Variants in ZBTB20 observed in about 807,000 individuals in gnomAD.
ZBTB20 encodes zinc finger and BTB domain-containing protein 20.
ZBTB20 carries 9 observed loss-of-function variants against 56.9 expected under a neutral mutation model. That is an observed-to-expected ratio of 0.16 (90% CI 0.10 to 0.28). ZBTB20 has a LOEUF of 0.28. ZBTB20 is among the 10% of genes least tolerant of loss of function. The pLI, the probability that ZBTB20 is intolerant of heterozygous loss-of-function variation, is 1.00. For missense variants in ZBTB20, 655 were observed against 1,003.0 expected (o/e 0.65, Z 4.69); for synonymous variants, 417 against 420.7 (o/e 0.99, Z 0.11).
intron 4 of ZBTB20, among the ~76,000 whole-genome samples, chr3:114,860,814 T>A (rs996192939): frequency 2.0e-5 from 3 of 152,342 alleles, no homozygotes; most frequent in South Asian, 2.1e-4. Flanking sequence ...ATAGACATAG[T>A]CCTGTGCTAC....
intron 6 of ZBTB20, among the ~76,000 whole-genome samples, chr3:114,622,246 T>C (rs902946308): frequency 1.3e-5 from 2 of 151,522 alleles, no homozygotes; most frequent in African/African-American, 4.9e-5. Flanking sequence ...TTGGTGGTAA[T>C]GGCCTAAGAG....
At chr3:114,596,987 C>T (rs1184926752) in intron 6 of ZBTB20, among the ~76,000 whole-genome samples, 1 of 151,964 alleles carries the variant, frequency 6.6e-6, no homozygotes, top group Non-Finnish European at 1.5e-5. Context: ...TATTTCTGAG[C>T]AAAATACAGT....
At chr3:114,603,129 G>A (rs1560022155) in intron 6 of ZBTB20, among the ~76,000 whole-genome samples, 1 of 151,946 alleles carries the variant, frequency 6.6e-6, no homozygotes, top group East Asian at 1.9e-4. Flanking sequence ...CTAGCACATG[G>A]CCTTCTCACA....
At chr3:114,970,090 G>A (rs990787492) in intron 3 of ZBTB20, among the ~76,000 whole-genome samples, 1 of 152,140 alleles carries the variant, frequency 6.6e-6, no homozygotes, top group African/African-American at 2.4e-5. Context: ...GCTCTTGATA[G>A]GTCCTGGGCT....
intron 4 of ZBTB20, among the ~76,000 whole-genome samples, chr3:114,895,732 C>A (rs2074850007): frequency 6.6e-6 from 1 of 151,984 alleles, no homozygotes; most frequent in Non-Finnish European, 1.5e-5. Flanking sequence ...GACTACTATG[C>A]AATAATACAT....
chr3:115,030,824 A>G (rs1003199113), intron 2 of ZBTB20, among the ~76,000 whole-genome samples: 1 of 151,230 alleles, frequency 6.6e-6, no homozygotes, highest in East Asian at 1.9e-4. Flanking sequence ...CTTAAAGTTT[A>G]TTGTTTTTAA....
chr3:114,554,912 A>T (rs2051016477), intron 6 of ZBTB20, among the ~76,000 whole-genome samples: 1 of 152,168 alleles, frequency 6.6e-6, no homozygotes, highest in South Asian at 2.1e-4. Context: ...CTCTGGTTAC[A>T]GTGGCAGCTT....
intron 2 of ZBTB20, among the ~76,000 whole-genome samples, chr3:115,063,413 C>A (rs1319828228): frequency 6.6e-6 from 1 of 152,098 alleles, no homozygotes; most frequent in African/African-American, 2.4e-5. Flanking sequence ...CTCACTGCGT[C>A]CTCACATGAT....
At chr3:114,358,561 G>C (rs1053587288) in intron 10 of ZBTB20, among the ~76,000 whole-genome samples, 2 of 152,162 alleles carry the variant, frequency 1.3e-5, no homozygotes, top group African/African-American at 4.8e-5. Flanking sequence ...AGTCTCCCTT[G>C]GTTAGCCCAG....
chr3:114,428,024 G>A (rs1461542092), intron 7 of ZBTB20, among the ~76,000 whole-genome samples: 2 of 152,176 alleles, frequency 1.3e-5, no homozygotes, highest in African/African-American at 4.8e-5. Flanking sequence ...TGTCGTAATA[G>A]AAACCTTGAG....
At chr3:114,385,792 G>A (rs1254310839) in intron 8 of ZBTB20, among the ~76,000 whole-genome samples, 18 of 152,100 alleles carry the variant, frequency 1.2e-4, no homozygotes, top group African/African-American at 4.1e-4. Context: ...GCTTGAACCC[G>A]GGAGTGCAGA....
chr3:114,559,827 T>C (rs2051775699), intron 6 of ZBTB20, among the ~76,000 whole-genome samples: 1 of 152,198 alleles, frequency 6.6e-6, no homozygotes, highest in South Asian at 2.1e-4. Flanking sequence ...GGGAAAAAGA[T>C]GTCTAGTTCA....
intron 5 of ZBTB20, among the ~76,000 whole-genome samples, chr3:114,751,923 A>G (rs1024543202): frequency 6.6e-5 from 10 of 152,132 alleles, no homozygotes; most frequent in Admixed American, 2.6e-4. Context: ...TTGTTTTGTT[A>G]GTAATAATAA....
At chr3:114,696,358 A>G (rs1482633422) in intron 5 of ZBTB20, among the ~76,000 whole-genome samples, 1 of 152,022 alleles carries the variant, frequency 6.6e-6, no homozygotes, top group African/African-American at 2.4e-5. Context: ...AAGCGCTTCA[A>G]TAGTTCCTCC....
intron 5 of ZBTB20, among the ~76,000 whole-genome samples, chr3:114,737,584 A>G (rs2108574799): frequency 6.6e-6 from 1 of 152,306 alleles, no homozygotes; most frequent in East Asian, 1.9e-4. Context: ...TTTCTTCAGA[A>G]TCTACACGGA....
At chr3:114,974,883 G>T (rs2078033920) in intron 2 of ZBTB20, among the ~76,000 whole-genome samples, 1 of 152,028 alleles carries the variant, frequency 6.6e-6, no homozygotes, top group African/African-American at 2.4e-5. Context: ...AGTAGGTAAG[G>T]TTAGAGATAT....
intron 1 of ZBTB20, among the ~76,000 whole-genome samples, chr3:115,127,468 T>C (rs1236954047): frequency 6.6e-6 from 1 of 152,030 alleles, no homozygotes; most frequent in Non-Finnish European, 1.5e-5. Context: ...CATACACCTA[T>C]AATCCATCCC....
At chr3:114,779,877 T>C (rs2108770058) in intron 5 of ZBTB20, among the ~76,000 whole-genome samples, 1 of 152,304 alleles carries the variant, frequency 6.6e-6, no homozygotes, top group South Asian at 2.1e-4. Flanking sequence ...TTACTTAATA[T>C]AAATTTTCCA....
chr3:114,756,499 A>T (rs757058849), intron 5 of ZBTB20, among the ~76,000 whole-genome samples: 5 of 152,308 alleles, frequency 3.3e-5, no homozygotes, highest in South Asian at 2.1e-4. Flanking sequence ...TAAAGTGTAT[A>T]TTTCTGAAAA....
Sources: gnomAD v4.1 joint callset for allele counts (sites outside exome capture counted in the v4.1 genomes callset) on GRCh38, gnomAD v4.1.1 for gene constraint, MANE v1.5 for transcripts, NCBI Gene and HGNC (gene_info 2026-07-23, HGNC 2026-07-21) for gene names.